TRIM65: variants seen among roughly 807,000 people sequenced by gnomAD.
The protein encoded by TRIM65 is E3 ubiquitin-protein ligase TRIM65.
TRIM65 carries 46 observed loss-of-function variants against 36.1 expected under a neutral mutation model. The observed-to-expected ratio is 1.27, with a 90% CI of 1.01 to 1.63. The LOEUF is 1.63. Among genes scored for constraint, TRIM65 ranks in the 40% most tolerant of loss-of-function variants. TRIM65 has a pLI of 0.00. For missense variants in TRIM65, 708 were observed against 696.6 expected (o/e 1.02, Z -0.18); for synonymous variants, 346 against 313.6 (o/e 1.10, Z -1.09).
In TRIM65 at chr17:75,896,657, C is replaced by G. The variant is rs2065351962; in HGVS notation, c.281G>C (p.Arg94Pro). The change falls in exon 1 of 6, where the codon CGC (arginine) becomes CCC (proline). Residue 94 changes from arginine to proline, a missense_variant. Transcript: ENST00000269383. ...DPGPGPDPAA[R>P]CPRHGRPLEL... ...CAGCGGCCGCCCGTGGCGGGGGCAGCGCGCGGCAGGGTCGGGGCCGGGGCC... is the reference window on the plus strand; with the variant it reads ...CAGCGGCCGCCCGTGGCGGGGGCAGGGCGCGGCAGGGTCGGGGCCGGGGCC... The G allele has an allele frequency of 2.4e-6, 3 of 1,242,860 alleles. No individual in the cohort carries two copies. Among genetic ancestry groups the G allele is most frequent in the Non-Finnish European group, 3.0e-6 (3 of 997,644 alleles). The allele number at this position is 1,242,860 out of a possible 1,614,324, so 77.0% of individuals were successfully genotyped here. A position where few individuals can be genotyped will look rare whatever the true frequency, so the allele number is the denominator to read the frequency against.
intron 1 of TRIM65, 131 bp from the exon 2 acceptor site, chr17:75,892,981 G>GTT (rs2065295095): frequency 2.6e-6 from 2 of 755,818 alleles, no homozygotes; most frequent in Non-Finnish European, 2.2e-6. Flanking sequence ...CCAGCCTCCA[G>GTT]AGCACCGGCC....
rs368268658 is a variant in TRIM65 at position 75,892,755 on chromosome 17, C to A, written c.510G>T (p.Gln170His). Residue 170 changes from glutamine (Q) to histidine (H), a missense_variant and splice_region_variant, in exon 2 of 6, where the codon CAG (glutamine) becomes CAT (histidine). Gln to His is a conservative substitution (Grantham distance 24). Coordinates refer to ENST00000269383, the MANE Select transcript of TRIM65 (RefSeq NM_173547.4). ...LELRKQSSQI[Q>H]NSACILASWV... The stretch of plus-strand genomic sequence containing the variant: ...GGGCGGGCAGGCACAGGCCTCGTAC[C>A]TGGATCTGGCTGCTTTGCTTGCGCA... 1.0e-5 allele frequency: 16 copies of A among 1,603,100 alleles called. No homozygotes were observed. The African/African-American group carries it at 1.9e-4, about 19-fold the overall frequency.
chr17:75,892,894 A>G, intron 1 of TRIM65, 44 bp from the exon 2 acceptor site: 1 of 1,551,466 alleles, frequency 6.4e-7, no homozygotes, highest in East Asian at 2.2e-5. Flanking sequence ...GAAGGCCAGG[A>G]TTGGCTGTGA....
At position 75,892,744 on chromosome 17, in the gene TRIM65, A is replaced by G; in HGVS notation, c.510+11T>C. The G allele has an allele frequency of 6.2e-7, 1 of 1,600,632 alleles. No homozygotes were observed. Among genetic ancestry groups the G allele is most frequent in the Non-Finnish European group, 8.5e-7 (1 of 1,178,488 alleles). ...GAGGCCATGGTGGGCGGGCAGGCAC[A>G]GGCCTCGTACCTGGATCTGGCTGCT... On this transcript the variant is annotated intron_variant, in intron 2 of 5. Transcript: ENST00000269383.
At chr17:75,892,554 G>A (rs1462290504) in intron 2 of TRIM65, 54 bp from the exon 3 acceptor site, 3 of 1,513,240 alleles carry the variant, frequency 2.0e-6, no homozygotes, top group Non-Finnish European at 2.7e-6. Context: ...GCCATACCAA[G>A]GGAGGCTAGG....
chr17:75,882,565 ATTAG>A (rs2065175108), intron 4 of TRIM65, among the ~76,000 whole-genome samples: 2 of 150,498 alleles, frequency 1.3e-5, no homozygotes, highest in African/African-American at 5.0e-5. Context: ...TGCCTAGTGT[ATTAG>A]TTCACTTCAA....
At position 75,889,408 on chromosome 17, in the gene TRIM65, TA is replaced by T. The variant is rs1247964884; in HGVS notation, c.*1370del. 6.6e-6 allele frequency: 1 copy of T among 151,870 alleles called. No individual in the cohort carries two copies. Among genetic ancestry groups the T allele is most frequent in the South Asian group, 2.1e-4 (1 of 4,800 alleles). 9.4% of individuals were successfully genotyped at this position (151,870 alleles called of 1,614,324 possible). On this transcript the variant is annotated 3_prime_UTR_variant, in exon 6 of 6. Transcript: ENST00000269383. ...AGAACAAGAAGTGGAACATTTCAAG[TA>T]AAAAAAATTACACCTGCCCTATGAC...
chr17:75,891,473 C>G (rs1204203987), intron 5 of TRIM65, 126 bp from the exon 6 acceptor site: 5 of 1,033,076 alleles, frequency 4.8e-6, no homozygotes, highest in African/African-American at 1.6e-5. Flanking sequence ...TTAATCCTCG[C>G]CACGACCTCG....
At position 75,895,335 on chromosome 17, in the gene TRIM65, G is replaced by A. The variant is rs149969428; in HGVS notation, c.414+1189C>T. On this transcript the variant is annotated intron_variant, in intron 1 of 5. Coordinates refer to ENST00000269383, the MANE Select transcript of TRIM65 (RefSeq NM_173547.4). ...CGGGTCTTACATCCTGCCCCCTTCA[G>A]CCCCCAGCCAGGTGATCAGTCTCCA... Among the ~76,000 whole-genome samples the A allele has an allele frequency of 4.0e-3, 609 of 152,032 alleles. 5 individuals are homozygous for A. The highest frequency in any genetic ancestry group is 0.014 in the African/African-American group (570 of 41,448).
chr17:75,884,263 G>C (rs1184443640), downstream of TRIM65, among the ~76,000 whole-genome samples: 2 of 151,960 alleles, frequency 1.3e-5, no homozygotes, highest in African/African-American at 2.4e-5. Context: ...TTCAGGACCA[G>C]CCTAACCAAC....
At chr17:75,884,552 T>G (rs1344931506), downstream of TRIM65, among the ~76,000 whole-genome samples, 1 of 152,210 alleles carries the variant, frequency 6.6e-6, no homozygotes, top group African/African-American at 2.4e-5. Context: ...TCTCAAGTCT[T>G]GTAATGATTT....
intron 2 of TRIM65, 52 bp from the exon 3 acceptor site, chr17:75,892,552 A>C (rs761768782): frequency 2.0e-6 from 3 of 1,528,438 alleles, no homozygotes; most frequent in Non-Finnish European, 2.7e-6. Flanking sequence ...GTGCCATACC[A>C]AGGGAGGCTA....
At chr17:75,894,624 G>A (rs963237010) in intron 1 of TRIM65, among the ~76,000 whole-genome samples, 1 of 152,220 alleles carries the variant, frequency 6.6e-6, no homozygotes, top group East Asian at 1.9e-4. Context: ...CCGCCTCCCG[G>A]GTTCACGCCA....
At chr17:75,891,429 C>G (rs2065265401) in intron 5 of TRIM65, 82 bp from the exon 6 acceptor site, 4 of 1,457,316 alleles carry the variant, frequency 2.7e-6, no homozygotes, top group Non-Finnish European at 3.8e-6. Flanking sequence ...AAACCTCCGC[C>G]AGGCACGCTG....
At chr17:75,886,083 G>A (rs759435944), downstream of TRIM65, among the ~76,000 whole-genome samples, 3 of 152,116 alleles carry the variant, frequency 2.0e-5, no homozygotes, top group Admixed American at 6.6e-5. Context: ...TAAGTCTCAC[G>A]AGATCTGATG....
downstream of TRIM65, among the ~76,000 whole-genome samples, chr17:75,887,050 A>AG (rs1478159110): frequency 6.6e-6 from 1 of 151,272 alleles, no homozygotes; most frequent in Non-Finnish European, 1.5e-5. Flanking sequence ...CCAGCTACTC[A>AG]GGAGGCTGAG....
chr17:75,888,000 CAA>C (rs1356866000), downstream of TRIM65, among the ~76,000 whole-genome samples: 2 of 151,446 alleles, frequency 1.3e-5, no homozygotes, highest in Non-Finnish European at 2.9e-5. Context: ...CTAAAAAATA[CAA>C]AAAGTTAGCT....
downstream of TRIM65, among the ~76,000 whole-genome samples, chr17:75,888,326 C>T (rs999474277): frequency 4.0e-5 from 6 of 150,064 alleles, no homozygotes; most frequent in Non-Finnish European, 8.9e-5. Flanking sequence ...GTACTCCAGC[C>T]TGGGCGACAG....
chr17:75,896,567 A>G lies in TRIM65; in HGVS notation c.371T>C (p.Leu124Pro). The G allele has an allele frequency of 7.3e-7, 1 of 1,361,598 alleles. No homozygotes were observed. The allele number at this position is 1,361,598 out of a possible 1,614,324, so 84.3% of individuals were successfully genotyped here. The change falls in exon 1 of 6, where the codon CTC becomes CCC. Residue 124 changes from leucine (L) to proline (P), a missense_variant. Physicochemically the swap from Leu to Pro is moderately conservative, Grantham distance 98. Transcript: ENST00000269383. ...CSVCTVRECR[L>P]HERALLDAER... ...GGCATCCAGCAGCGCCCGCTCGTGG[A>G]GGCGACACTCGCGCACGGTGCACAC... is the stretch of plus-strand genomic sequence containing the variant.
Sources: gnomAD v4.1 joint callset for allele counts (sites outside exome capture counted in the v4.1 genomes callset) on GRCh38, gnomAD v4.1.1 for gene constraint, MANE v1.5 for transcripts, NCBI Gene and HGNC (gene_info 2026-07-23, HGNC 2026-07-21) for gene names.